Variants in PDE4D observed in about 807,000 individuals in gnomAD.
The protein encoded by PDE4D is phosphodiesterase 4D, also known as 3',5'-cyclic-AMP phosphodiesterase 4D.
Under a neutral mutation model 87.4 loss-of-function variants are expected in PDE4D, and 24 were observed. The ratio of observed to expected loss-of-function variants is 0.27; its 90% CI spans 0.20 to 0.39. PDE4D has a LOEUF of 0.39. Ranked by LOEUF, PDE4D falls within the 10% of genes least tolerant of loss-of-function variation. The pLI is 1.00. For missense variants in PDE4D, 714 were observed against 1,041.0 expected (o/e 0.69, Z 4.32); for synonymous variants, 384 against 383.2 (o/e 1.00, Z -0.02).
intron 1 of PDE4D, among the ~76,000 whole-genome samples, chr5:59,320,066 T>G (rs959339081): frequency 1.3e-5 from 2 of 151,340 alleles, no homozygotes; most frequent in Admixed American, 1.3e-4. Context: ...CTTGGTCACA[T>G]CCCCAGCCAT....
intron 2 of PDE4D, among the ~76,000 whole-genome samples, chr5:59,207,702 T>A (rs918876274): frequency 1.1e-4 from 16 of 143,600 alleles, no homozygotes; most frequent in African/African-American, 4.7e-4. Context: ...TCTCCCTGCA[T>A]TTTTTTTTAA....
intron 1 of PDE4D, among the ~76,000 whole-genome samples, chr5:59,445,115 T>G (rs542631177): frequency 7.2e-5 from 11 of 152,320 alleles, no homozygotes; most frequent in Middle Eastern, 3.4e-3. Flanking sequence ...CCAGGAACTA[T>G]TTTCAACTCT....
At chr5:59,367,367 G>A (rs1310829985) in intron 1 of PDE4D, among the ~76,000 whole-genome samples, 1 of 152,108 alleles carries the variant, frequency 6.6e-6, no homozygotes, top group African/African-American at 2.4e-5. Flanking sequence ...CTGGGTAATA[G>A]AATGATAGAT....
intron 1 of PDE4D, among the ~76,000 whole-genome samples, chr5:59,566,394 T>G (rs747295834): frequency 1.3e-5 from 2 of 152,178 alleles, no homozygotes; most frequent in Non-Finnish European, 2.9e-5. Flanking sequence ...TAATTCTTAC[T>G]GATCCTGCAA....
intron 2 of PDE4D, among the ~76,000 whole-genome samples, chr5:60,015,409 A>G (rs1765408126): frequency 6.6e-6 from 1 of 152,174 alleles, no homozygotes; most frequent in Non-Finnish European, 1.5e-5. Context: ...TTCTTTCACC[A>G]ATAGAATGCA....
At chr5:59,048,189 A>C (rs1761005626) in intron 5 of PDE4D, among the ~76,000 whole-genome samples, 1 of 152,362 alleles carries the variant, frequency 6.6e-6, no homozygotes, top group East Asian at 1.9e-4. Flanking sequence ...TTGTCTGGGA[A>C]GTTGTTTGAA....
chr5:60,343,109 TA>T (rs1758446524), intron 1 of PDE4D, among the ~76,000 whole-genome samples: 1 of 152,190 alleles, frequency 6.6e-6, no homozygotes, highest in Non-Finnish European at 1.5e-5. Context: ...TTAAAATCAT[TA>T]ATTTTAAAGT....
intron 1 of PDE4D, among the ~76,000 whole-genome samples, chr5:59,263,666 C>T (rs1387634934): frequency 6.6e-6 from 1 of 151,940 alleles, no homozygotes; most frequent in Non-Finnish European, 1.5e-5. Flanking sequence ...TCCGCATCAA[C>T]AAGGGATCAT....
intron 1 of PDE4D, among the ~76,000 whole-genome samples, chr5:59,558,169 C>G (rs1039439274): frequency 6.6e-6 from 1 of 152,034 alleles, no homozygotes; most frequent in Admixed American, 6.6e-5. Context: ...GGAGATACAA[C>G]AAGACAATAA....
intron 5 of PDE4D, among the ~76,000 whole-genome samples, chr5:59,171,148 C>T (rs1174981723): frequency 6.6e-6 from 1 of 152,200 alleles, no homozygotes; most frequent in African/African-American, 2.4e-5. Context: ...TCCCAAACTG[C>T]TGGGATTACA....
chr5:60,229,475 G>A (rs1277229544), intron 1 of PDE4D, among the ~76,000 whole-genome samples: 5 of 152,048 alleles, frequency 3.3e-5, no homozygotes, highest in Admixed American at 6.6e-5. Context: ...AGTTTTTTAC[G>A]CTAAAGAATA....
chr5:60,156,604 C>A (rs1582898266), intron 2 of PDE4D, among the ~76,000 whole-genome samples: 1 of 151,998 alleles, frequency 6.6e-6, no homozygotes, highest in Admixed American at 6.6e-5. Context: ...ATATTTAAAA[C>A]TTTTTTTCAT....
At chr5:59,560,271 T>C (rs1465132433) in intron 1 of PDE4D, among the ~76,000 whole-genome samples, 1 of 152,216 alleles carries the variant, frequency 6.6e-6, no homozygotes, top group Non-Finnish European at 1.5e-5. Flanking sequence ...GTAAAGTTTA[T>C]TTAAACCTTT....
At chr5:60,394,473 GT>G (rs769444151) in intron 1 of PDE4D, among the ~76,000 whole-genome samples, 98 of 152,242 alleles carry the variant, frequency 6.4e-4, no homozygotes, top group Middle Eastern at 6.8e-3. Flanking sequence ...GGTTTGATAT[GT>G]TGAAAATAAA....
intron 5 of PDE4D, chr5:59,179,632 G>A (rs1218679373): frequency 2.2e-6 from 1 of 454,942 alleles, no homozygotes; most frequent in Non-Finnish European, 4.4e-6. Context: ...AACACAGACA[G>A]ACGTCTGGAC....
At chr5:59,128,912 C>T (rs1256423355) in intron 5 of PDE4D, among the ~76,000 whole-genome samples, 12 of 152,162 alleles carry the variant, frequency 7.9e-5, no homozygotes, top group Admixed American at 2.6e-4. Flanking sequence ...GAAACTGATG[C>T]CCAAAGGCTG....
chr5:59,570,541 AATC>A (rs1453189851), intron 1 of PDE4D, among the ~76,000 whole-genome samples: 3 of 152,196 alleles, frequency 2.0e-5, no homozygotes, highest in African/African-American at 7.2e-5. Flanking sequence ...ATGCTCTTAA[AATC>A]ATGTTATTGA....
intron 1 of PDE4D, among the ~76,000 whole-genome samples, chr5:59,394,589 A>C (rs1036856270): frequency 1.7e-5 from 2 of 120,202 alleles, no homozygotes; most frequent in African/African-American, 6.6e-5. Context: ...ACTATATTAC[A>C]AGTTTACTAT....
chr5:60,219,404 A>C (rs1223720432), intron 1 of PDE4D, among the ~76,000 whole-genome samples: 1 of 152,178 alleles, frequency 6.6e-6, no homozygotes, highest in Non-Finnish European at 1.5e-5. Context: ...ATAACATTTT[A>C]GAACTGAAAG....
Sources: allele counts gnomAD v4.1 joint callset (sites outside exome capture counted in the v4.1 genomes callset), GRCh38; gene constraint gnomAD v4.1.1; transcripts MANE v1.5; gene names NCBI Gene and HGNC (gene_info 2026-07-23, HGNC 2026-07-21).